The following RHBDF2 variants were observed in gnomAD, a reference collection of about 807,000 sequenced individuals.
The protein encoded by RHBDF2 is inactive rhomboid protein 2.
In RHBDF2, 38 loss-of-function variants were observed where a neutral mutation model predicts 95.2. The ratio of observed to expected loss-of-function variants is 0.40; its 90% CI spans 0.31 to 0.52. The LOEUF (loss-of-function observed/expected upper bound fraction) is 0.52, where lower values mean the gene tolerates loss of function less well. RHBDF2 is among the 20% of genes least tolerant of loss of function. The probability of loss-of-function intolerance (pLI) is 0.56; values close to 1 mark genes in which losing one functional copy is unlikely to be tolerated. For synonymous variants in RHBDF2, 442 were observed against 462.0 expected (o/e 0.96, Z 0.55); for missense variants, 863 against 1,137.7 (o/e 0.76, Z 3.47).
intron 12 of RHBDF2, 52 bp downstream of exon 12, chr17:76,474,321 G>A (rs2073693304): frequency 2.5e-6 from 4 of 1,586,394 alleles, no homozygotes; most frequent in Non-Finnish European, 3.4e-6. Context: ...GGCAAGTGGA[G>A]CTAGTCCGGG....
intron 3 of RHBDF2, among the ~76,000 whole-genome samples, chr17:76,480,578 G>C (rs765768085): frequency 1.3e-5 from 2 of 151,892 alleles, no homozygotes; most frequent in African/African-American, 4.8e-5. Flanking sequence ...CAGAGACAGA[G>C]TCTTGCTATG....
intron 3 of RHBDF2, 71 bp from the exon 4 acceptor site, chr17:76,479,925 C>T (rs2073897800): frequency 1.9e-6 from 3 of 1,587,608 alleles, no homozygotes; most frequent in Admixed American, 1.8e-5. Flanking sequence ...TTTCTTTAGC[C>T]TCCTATTCTG....
At chr17:76,495,605 G>C (rs1190984328) in intron 1 of RHBDF2, among the ~76,000 whole-genome samples, 2 of 152,148 alleles carry the variant, frequency 1.3e-5, no homozygotes, top group Non-Finnish European at 2.9e-5. Flanking sequence ...ATTGTACAGA[G>C]AGGTAAGCAC....
intron 1 of RHBDF2, among the ~76,000 whole-genome samples, chr17:76,492,144 G>A (rs989462221): frequency 3.3e-5 from 5 of 152,200 alleles, no homozygotes; most frequent in Admixed American, 6.5e-5. Context: ...GAGACCTGGG[G>A]AGAGGGACTG....
At chr17:76,472,616 G>A in intron 18 of RHBDF2, 70 bp downstream of exon 18, 1 of 1,598,396 alleles carries the variant, frequency 6.3e-7, no homozygotes, top group Non-Finnish European at 8.6e-7. Context: ...GCAGATCCCA[G>A]GTGGGTGGAA....
chr17:76,493,719 A>T (rs773187805), intron 1 of RHBDF2, among the ~76,000 whole-genome samples: 13 of 152,144 alleles, frequency 8.5e-5, no homozygotes, highest in Non-Finnish European at 1.6e-4. Context: ...GCTGGTGGCA[A>T]GTGGGCGCAG....
At chr17:76,498,908 C>T (rs4386163) in intron 1 of RHBDF2, among the ~76,000 whole-genome samples, 147,492 of 151,122 alleles carry the variant, frequency 0.98, 72,091 homozygotes, top group East Asian at 1. Context: ...ACACCAGGTA[C>T]AGACAGGTAG....
At chr17:76,484,155 C>T (rs1481441837) in intron 2 of RHBDF2, among the ~76,000 whole-genome samples, 3 of 152,008 alleles carry the variant, frequency 2.0e-5, no homozygotes, top group South Asian at 2.1e-4. Flanking sequence ...CTCAGCTACT[C>T]GGGAGGCTGA....
chr17:76,474,880 C>T, intron 10 of RHBDF2, 76 bp from the exon 11 acceptor site: 1 of 1,572,644 alleles, frequency 6.4e-7, no homozygotes, highest in South Asian at 1.2e-5. Flanking sequence ...GCAGCTGTCC[C>T]CAGGATAGAG....
intron 3 of RHBDF2, 168 bp from the exon 4 acceptor site, chr17:76,480,022 T>C (rs549251630): frequency 4.2e-4 from 173 of 410,150 alleles, no homozygotes; most frequent in African/African-American, 3.6e-3. Flanking sequence ...TGTGTGTGTG[T>C]GTGTGTGTGT....
Position 76,474,543 on chromosome 17 carries a change from G to A in RHBDF2, c.1303-9C>T, listed in dbSNP as rs749684210. ...AGGTGGATCAGGTCAATCTGGGGAA[G>A]GGAAAGGGAGGGGAGAGAGTGAGTT... On this transcript the variant is annotated splice_polypyrimidine_tract_variant and intron_variant, in intron 11 of 18. Coordinates refer to ENST00000675367, the MANE Select transcript of RHBDF2 (RefSeq NM_001005498.4). 1.2e-6 allele frequency: 2 copies of A among 1,614,070 alleles called. No individual in the cohort carries two copies.
At position 76,476,940 on chromosome 17, in the gene RHBDF2, C is replaced by A. The variant is rs142836136; in HGVS notation, c.1005G>T (p.Arg335=). ...CGCCGAGGCCGTAGTGCCGCTTCTT[C>A]CGATCAAAGGCAAAGTGCTTCACCT... ...ASKVKHFAFD[R]KKRHYGLGVV... is the part of the protein sequence containing the mutation. Residue 335 remains arginine (R), a synonymous_variant, in exon 9 of 19, where the codon CGG becomes CGT. Transcript: ENST00000675367. The A allele has an allele frequency of 1.5e-5, 24 of 1,613,856 alleles. No individual in the cohort carries two copies. The African/African-American group carries it at 3.1e-4, about 21-fold the overall frequency.
At chr17:76,486,272 G>A (rs1029029776) in intron 2 of RHBDF2, among the ~76,000 whole-genome samples, 1 of 152,114 alleles carries the variant, frequency 6.6e-6, no homozygotes, top group African/African-American at 2.4e-5. Context: ...ACCATGCCTG[G>A]GTAATGTTTG....
Position 76,476,937 on chromosome 17 carries a change from C to T in RHBDF2, c.1008G>A (p.Lys336=). 1 of 1,613,964 alleles carries T rather than the reference C, an allele frequency of 6.2e-7. No individual in the cohort carries two copies. Among genetic ancestry groups the T allele is most frequent in the Non-Finnish European group, 8.5e-7 (1 of 1,180,028 alleles). The stretch of plus-strand genomic sequence containing the variant: ...CCACGCCGAGGCCGTAGTGCCGCTT[C>T]TTCCGATCAAAGGCAAAGTGCTTCA... ...SKVKHFAFDR[K]KRHYGLGVVG... is the part of the protein sequence containing the mutation. The change falls in exon 9 of 19, where the codon AAG becomes AAA. Residue 336 remains lysine (K), a synonymous_variant. Transcript: ENST00000675367.
chr17:76,497,611 G>A lies in RHBDF2; in HGVS notation c.-220+3742C>T, dbSNP rs115568704. ...GAAGCCACCCTAACACCATTATCACGATGGCTCCCCGCACTGCTCCTGCCA... is the reference window on the plus strand; with the variant it reads ...GAAGCCACCCTAACACCATTATCACAATGGCTCCCCGCACTGCTCCTGCCA... On this transcript the variant is annotated intron_variant, in intron 1 of 18. Transcript: ENST00000675367. Among the ~76,000 whole-genome samples, 721 of 152,048 alleles carry A rather than the reference G, an allele frequency of 4.7e-3. 4 individuals carry two copies. Among genetic ancestry groups the A allele is most frequent in the African/African-American group, 0.016 (666 of 41,486 alleles).
At chr17:76,474,265 G>C in intron 12 of RHBDF2, 108 bp downstream of exon 12, 1 of 1,392,038 alleles carries the variant, frequency 7.2e-7, no homozygotes, top group Non-Finnish European at 1.0e-6. Flanking sequence ...GTCTGGGAAA[G>C]GTGGGGCGGG....
At chr17:76,486,827 C>T (rs562929358) in intron 2 of RHBDF2, among the ~76,000 whole-genome samples, 24 of 152,118 alleles carry the variant, frequency 1.6e-4, no homozygotes, top group African/African-American at 5.1e-4. Flanking sequence ...GGCCTCTGTC[C>T]GAGCCAGTCA....
Position 76,473,085 on chromosome 17 carries a change from C to T in RHBDF2, c.1830G>A (p.Val610=). 2.5e-6 allele frequency: 4 copies of T among 1,614,068 alleles called. No homozygotes were observed. The highest frequency in any genetic ancestry group is 2.5e-6 in the Non-Finnish European group (3 of 1,179,934). The change falls in exon 17 of 19, where the codon GTG becomes GTA. Residue 610 remains valine, a synonymous_variant. Transcript: ENST00000675367. ...LCSQVHCLDK[V]CGLLPFLNPE... is the part of the protein sequence containing the mutation. The stretch of plus-strand genomic sequence containing the variant: ...GGTTGAGGAAGGGCAGCAGCCCACA[C>T]ACCTTGTCCAAGCAGTGCACCTGGG...
intron 9 of RHBDF2, chr17:76,476,037 G>C (rs2073762420): frequency 6.6e-6 from 1 of 151,954 alleles, no homozygotes; most frequent in Non-Finnish European, 1.5e-5. Flanking sequence ...CTCCCGAGTA[G>C]CTGGGATTAC....
Sources: allele counts gnomAD v4.1 joint callset (sites outside exome capture counted in the v4.1 genomes callset), GRCh38; gene constraint gnomAD v4.1.1; transcripts MANE v1.5; gene names NCBI Gene and HGNC (gene_info 2026-07-23, HGNC 2026-07-21).